ZMAT5: variants seen among roughly 807,000 people sequenced by gnomAD.
The protein encoded by ZMAT5 is zinc finger matrin-type protein 5.
ZMAT5 carries 23 observed loss-of-function variants against 28.0 expected under a neutral mutation model. The observed-to-expected ratio is 0.82, with a 90% CI of 0.59 to 1.16. The LOEUF is 1.16. Ranked by LOEUF, ZMAT5 falls within the 50% of genes most tolerant of loss-of-function variation. The pLI, the probability that ZMAT5 is intolerant of heterozygous loss-of-function variation, is 0.00. For missense variants in ZMAT5, 173 were observed against 212.7 expected, an observed-to-expected ratio of 0.81 and a Z score of 1.16; for synonymous variants, 76 against 84.1, an observed-to-expected ratio of 0.90 and a Z score of 0.52.
At chr22:29,762,265 C>T (rs1327767363) in intron 1 of ZMAT5, among the ~76,000 whole-genome samples, 1 of 152,160 alleles carries the variant, frequency 6.6e-6, no homozygotes, top group Non-Finnish European at 1.5e-5. Context: ...AAATTAAGGT[C>T]ATTTTTCTTA....
intron 1 of ZMAT5, 30 bp from the exon 2 acceptor site, chr22:29,748,601 C>G: frequency 6.2e-7 from 1 of 1,610,014 alleles, no homozygotes; most frequent in Non-Finnish European, 8.5e-7. Context: ...TCAGATTAGA[C>G]CATTGGAGAA....
intron 4 of ZMAT5, among the ~76,000 whole-genome samples, chr22:29,739,796 TG>T (rs2067944429): frequency 6.6e-6 from 1 of 152,248 alleles, no homozygotes; most frequent in Non-Finnish European, 1.5e-5. Context: ...AAAATGCTCC[TG>T]GAAACCCTGT....
intron 1 of ZMAT5, among the ~76,000 whole-genome samples, chr22:29,760,199 T>G (rs1332034498): frequency 6.7e-6 from 1 of 148,874 alleles, no homozygotes; most frequent in East Asian, 2.0e-4. Flanking sequence ...AGATTCCGTC[T>G]CAAAAAATAA....
At chr22:29,750,091 G>A (rs117168185) in intron 1 of ZMAT5, among the ~76,000 whole-genome samples, 1 of 152,154 alleles carries the variant, frequency 6.6e-6, no homozygotes, top group African/African-American at 2.4e-5. Flanking sequence ...CATGAGGGCA[G>A]GTTTGTGTTT....
At chr22:29,764,657 C>A (rs965508449) in intron 1 of ZMAT5, among the ~76,000 whole-genome samples, 1 of 152,142 alleles carries the variant, frequency 6.6e-6, no homozygotes, top group Non-Finnish European at 1.5e-5. Flanking sequence ...GGTACCACCA[C>A]ACCTGGCTAA....
In ZMAT5 at chr22:29,732,508, C is replaced by T. The variant is rs141941382; in HGVS notation, c.384-1154G>A. Among the ~76,000 whole-genome samples, 846 of 152,154 alleles carry T rather than the reference C, an allele frequency of 5.6e-3. 4 individuals are homozygous for T. Among genetic ancestry groups the T allele is most frequent in the African/African-American group, 0.017 (707 of 41,502 alleles). On this transcript the variant is annotated intron_variant, in intron 5 of 5. Coordinates refer to ENST00000344318, the MANE Select transcript of ZMAT5 (RefSeq NM_001003692.2). Reference sequence around the variant, plus strand: ...ATCCCAGCGCTTTGGGAGGCCAAGGCGGGTGGATCACGAGATCAGGAGATC... The same window carrying T: ...ATCCCAGCGCTTTGGGAGGCCAAGGTGGGTGGATCACGAGATCAGGAGATC...
intron 1 of ZMAT5, among the ~76,000 whole-genome samples, chr22:29,759,263 C>G (rs1219639454): frequency 3.9e-5 from 6 of 152,180 alleles, no homozygotes; most frequent in Non-Finnish European, 7.3e-5. Context: ...CTGCCTCCCG[C>G]TTCTTCTCTC....
At chr22:29,758,454 AAC>A (rs1000000199) in intron 1 of ZMAT5, among the ~76,000 whole-genome samples, 3 of 152,148 alleles carry the variant, frequency 2.0e-5, no homozygotes, top group Admixed American at 6.5e-5. Flanking sequence ...TATCTCTACA[AAC>A]AGTTTGTTTT....
chr22:29,748,637 A>T (rs1330407328), intron 1 of ZMAT5, 66 bp from the exon 2 acceptor site: 2 of 1,578,308 alleles, frequency 1.3e-6, no homozygotes, highest in Non-Finnish European at 8.6e-7. Context: ...AGCCCACTGA[A>T]TGCTTCCTGA....
chr22:29,761,269 CA>C (rs131283), intron 1 of ZMAT5, among the ~76,000 whole-genome samples: 4,569 of 59,362 alleles, frequency 0.077, 62 homozygotes, highest in South Asian at 0.13. Flanking sequence ...AACTCCGTCT[CA>C]AAAAAAAAAA....
chr22:29,763,884 C>T (rs1162706628), intron 1 of ZMAT5, among the ~76,000 whole-genome samples: 2 of 150,814 alleles, frequency 1.3e-5, no homozygotes, highest in Middle Eastern at 3.2e-3. Context: ...CCCAGGAGTT[C>T]GAGGCTGCAG....
intron 4 of ZMAT5, among the ~76,000 whole-genome samples, chr22:29,740,321 C>T (rs1046574052): frequency 3.9e-5 from 6 of 152,044 alleles, no homozygotes; most frequent in Admixed American, 2.6e-4. Context: ...GGGTATGCTG[C>T]CTGATTGAGG....
chr22:29,753,812 T>C (rs1202860966), intron 1 of ZMAT5, among the ~76,000 whole-genome samples: 2 of 152,286 alleles, frequency 1.3e-5, no homozygotes, highest in East Asian at 3.9e-4. Context: ...CCCACAGGCA[T>C]GTGCCTGAGG....
chr22:29,763,059 G>A (rs759103472), intron 1 of ZMAT5, among the ~76,000 whole-genome samples: 3 of 152,072 alleles, frequency 2.0e-5, no homozygotes, highest in Admixed American at 6.6e-5. Context: ...GTGGGAGGCC[G>A]AGACGGACAG....
intron 1 of ZMAT5, among the ~76,000 whole-genome samples, chr22:29,752,187 G>A (rs1369289681): frequency 6.6e-6 from 1 of 152,142 alleles, no homozygotes; most frequent in Non-Finnish European, 1.5e-5. Flanking sequence ...CTGGGGCTCA[G>A]GTCTGCCAGG....
At chr22:29,735,535 G>A (rs2067896136) in intron 5 of ZMAT5, among the ~76,000 whole-genome samples, 1 of 152,264 alleles carries the variant, frequency 6.6e-6, no homozygotes, top group Non-Finnish European at 1.5e-5. Flanking sequence ...GCCACACAGA[G>A]CCTTGGGCCA....
At chr22:29,756,456 C>G (rs1287673101) in intron 1 of ZMAT5, among the ~76,000 whole-genome samples, 1 of 152,178 alleles carries the variant, frequency 6.6e-6, no homozygotes, top group Non-Finnish European at 1.5e-5. Context: ...ATCCTGACCT[C>G]ATCCCTGTGT....
chr22:29,760,548 A>G (rs147090521), intron 1 of ZMAT5, among the ~76,000 whole-genome samples: 2 of 152,256 alleles, frequency 1.3e-5, no homozygotes, highest in East Asian at 3.9e-4. Flanking sequence ...CAAAAACAAA[A>G]AAATAGTCTC....
intron 1 of ZMAT5, among the ~76,000 whole-genome samples, chr22:29,756,084 G>A (rs2068099121): frequency 6.6e-6 from 1 of 152,268 alleles, no homozygotes; most frequent in African/African-American, 2.4e-5. Context: ...TCGGCCTTTG[G>A]CCAGGGGCTG....
Sources: gnomAD v4.1 joint callset for allele counts (sites outside exome capture counted in the v4.1 genomes callset) on GRCh38, gnomAD v4.1.1 for gene constraint, MANE v1.5 for transcripts, NCBI Gene and HGNC (gene_info 2026-07-23, HGNC 2026-07-21) for gene names.